Variants in SLC9A3 observed in about 807,000 individuals in gnomAD.
The protein encoded by SLC9A3 is solute carrier family 9 member A3.
SLC9A3 carries 37 observed loss-of-function variants against 86.8 expected under a neutral mutation model. The observed-to-expected ratio is 0.43, with a 90% CI of 0.33 to 0.56. The LOEUF is 0.56. Among genes scored for constraint, SLC9A3 ranks in the 20% least tolerant of loss-of-function variants. The pLI is 0.06. For synonymous variants in SLC9A3, 581 were observed against 528.3 expected (o/e 1.10, Z -1.37); for missense variants, 1,011 against 1,171.9 (o/e 0.86, Z 2.00).
At position 482,530 on chromosome 5, in the gene SLC9A3, G is replaced by A; in HGVS notation, c.1356+18C>T. The A allele has an allele frequency of 6.3e-7, 1 of 1,596,948 alleles. No homozygotes were observed. The highest frequency in any genetic ancestry group is 8.6e-7 in the Non-Finnish European group (1 of 1,167,400). ...CGGGCGGGGCCGAGACCCCAGGGCT[G>A]GCTGGGCTGGGCCTCACCTGGAAGA... On this transcript the variant is annotated intron_variant, in intron 7 of 16. Coordinates refer to ENST00000264938, the MANE Select transcript of SLC9A3 (RefSeq NM_004174.4).
chr5:481,402 G>A (rs567709045), intron 9 of SLC9A3, among the ~76,000 whole-genome samples, 163 bp downstream of exon 9: 1 of 152,300 alleles, frequency 6.6e-6, no homozygotes, highest in East Asian at 1.9e-4. Flanking sequence ...CAGCACCTGC[G>A]TGTCTCGGGG....
intron 1 of SLC9A3, among the ~76,000 whole-genome samples, chr5:508,074 C>T (rs180806446): frequency 6.6e-6 from 1 of 152,270 alleles, no homozygotes; most frequent in Non-Finnish European, 1.5e-5. Flanking sequence ...TCTTGGCGCC[C>T]GCCCCTCACA....
In SLC9A3 at chr5:473,291, C is replaced by A. The variant is rs540024518; in HGVS notation, c.*88G>T. ...GCGGTCGCTGTAGCCGCGCGGGGAT[C>A]TGGGGTTTCTCTGGGACAGCGGCGG... is the stretch of plus-strand genomic sequence containing the variant. On this transcript the variant is annotated 3_prime_UTR_variant, in exon 17 of 17. Coordinates refer to ENST00000264938, the MANE Select transcript of SLC9A3 (RefSeq NM_004174.4). 6 of 1,308,858 alleles carry A rather than the reference C, an allele frequency of 4.6e-6. No homozygotes were observed. Among genetic ancestry groups the A allele is most frequent in the Non-Finnish European group, 5.9e-6 (6 of 1,018,130 alleles). The allele number at this position is 1,308,858 out of a possible 1,614,324, so 81.1% of individuals were successfully genotyped here. A position where few individuals can be genotyped will look rare whatever the true frequency, so the allele number is the denominator to read the frequency against.
At chr5:521,174 A>G (rs1733874407) in intron 1 of SLC9A3, among the ~76,000 whole-genome samples, 1 of 152,262 alleles carries the variant, frequency 6.6e-6, no homozygotes. Context: ...AAGATGCTGT[A>G]AAAGGCAGGG....
At chr5:506,770 T>C (rs1353842251) in intron 1 of SLC9A3, among the ~76,000 whole-genome samples, 2 of 152,130 alleles carry the variant, frequency 1.3e-5, no homozygotes, top group Non-Finnish European at 1.5e-5. Context: ...ATTATCCTTG[T>C]TTTAAAGTTA....
chr5:483,026 G>A (rs1432111686), intron 6 of SLC9A3, among the ~76,000 whole-genome samples: 1 of 151,890 alleles, frequency 6.6e-6, no homozygotes, highest in Non-Finnish European at 1.5e-5. Context: ...TCCATCTCTC[G>A]TGCCACTGAC....
chr5:483,732 A>G (rs572198481), intron 5 of SLC9A3, among the ~76,000 whole-genome samples: 1 of 152,340 alleles, frequency 6.6e-6, no homozygotes, highest in African/African-American at 2.4e-5. Flanking sequence ...GAGGGCAACA[A>G]AGGGTTCCAA....
chr5:476,521 GC>G lies in SLC9A3; in HGVS notation c.1890+21del, dbSNP rs1438979797. The G allele has an allele frequency of 2.5e-6, 4 of 1,607,256 alleles. No homozygotes were observed. The South Asian group carries it at 4.4e-5, about 18-fold the overall frequency. On this transcript the variant is annotated intron_variant, in intron 12 of 16. Coordinates refer to ENST00000264938, the MANE Select transcript of SLC9A3 (RefSeq NM_004174.4). ...CACGGGGTCCCTGCGGGGTCCTCCA[GC>G]CCCCAGCCCGCAGTGCCCACCTCCT...
chr5:497,540 G>T lies in SLC9A3; in HGVS notation c.212-5469C>A, dbSNP rs1312065846. On this transcript the variant is annotated intron_variant, in intron 1 of 16. Transcript: ENST00000264938. This position sits in a 1 kb window ranked among gnomAD's most constrained non-coding sequence, Gnocchi z 5.4. The stretch of plus-strand genomic sequence containing the variant: ...ACTCGTTCACGTTTATCTCTGTCTG[G>T]TTGTCAGAATAAATTGTTTCCAACC... 1.3e-5 allele frequency among the ~76,000 whole-genome samples: 2 copies of T among 152,196 alleles called. No homozygotes were observed. The highest frequency in any genetic ancestry group is 6.5e-5 in the Admixed American group (1 of 15,290).
At chr5:473,919 G>T (rs1018120096) in intron 16 of SLC9A3, among the ~76,000 whole-genome samples, 2 of 152,270 alleles carry the variant, frequency 1.3e-5, no homozygotes, top group African/African-American at 4.8e-5. Flanking sequence ...CTCCCTGGGA[G>T]CGCAGGATTT....
intron 2 of SLC9A3, among the ~76,000 whole-genome samples, chr5:490,819 G>A (rs1359528261): frequency 1.3e-5 from 2 of 152,230 alleles, no homozygotes; most frequent in African/African-American, 4.8e-5. Flanking sequence ...GCCTGTCTGT[G>A]CCCTCGGCAG....
At chr5:492,838 C>T (rs970407459) in intron 1 of SLC9A3, among the ~76,000 whole-genome samples, 1 of 152,152 alleles carries the variant, frequency 6.6e-6, no homozygotes, top group Non-Finnish European at 1.5e-5. Context: ...TCCGGAGGGG[C>T]CCCATGGAGG....
chr5:506,074 T>A (rs1740565278), intron 1 of SLC9A3, among the ~76,000 whole-genome samples: 2 of 152,012 alleles, frequency 1.3e-5, no homozygotes. Flanking sequence ...GGGAATTCTT[T>A]TGTGCAGGTA....
intron 1 of SLC9A3, among the ~76,000 whole-genome samples, chr5:504,621 C>T (rs986843936): frequency 2.0e-5 from 3 of 152,224 alleles, no homozygotes; most frequent in Non-Finnish European, 4.4e-5. Flanking sequence ...CCAGAGGGCT[C>T]GGGGTGGGGA....
Position 483,272 on chromosome 5 carries a change from G to A in SLC9A3, c.1143C>T (p.Tyr381=), listed in dbSNP as rs375272660. 394 of 1,547,122 alleles carry A rather than the reference G, an allele frequency of 2.5e-4. No homozygotes were observed. The highest frequency in any genetic ancestry group is 3.3e-4 in the Non-Finnish European group (381 of 1,143,242). ...VLLTLVFISV[Y]RAIGVVLQTW... is the part of the protein sequence containing the mutation. The stretch of plus-strand genomic sequence containing the variant: ...CCGGCCCCGCCTCACCGATGGCCCG[G>A]TACACGGAGATGAAGACCAGCGTCA... Residue 381 remains tyrosine, a synonymous_variant, in exon 6 of 17, where the codon TAC becomes TAT. Transcript: ENST00000264938.
intron 1 of SLC9A3, among the ~76,000 whole-genome samples, chr5:500,460 AGGC>A (rs1484778692): frequency 2.2e-4 from 34 of 152,214 alleles, no homozygotes; most frequent in African/African-American, 7.9e-4. Flanking sequence ...CGGAGAGGCC[AGGC>A]GGGCCGGTGT....
In SLC9A3 at chr5:476,607, C is replaced by T. The variant is rs879207266; in HGVS notation, c.1826G>A (p.Arg609Gln). The change falls in exon 12 of 17, where the codon CGG becomes CAG. Residue 609 changes from arginine to glutamine, a missense_variant. Coordinates refer to ENST00000264938, the MANE Select transcript of SLC9A3 (RefSeq NM_004174.4). Reference protein sequence around the residue: ...QSLEQRRRSIRDAEDMVTHHT... With the variant: ...QSLEQRRRSIQDAEDMVTHHT... Reference sequence around the variant, plus strand: ...GTGCGTGACCATGTCCTCCGCGTCCCGGATGCTCCGCCGTCGCTGCTCCAG... The same window carrying T: ...GTGCGTGACCATGTCCTCCGCGTCCTGGATGCTCCGCCGTCGCTGCTCCAG... 2.5e-6 allele frequency: 4 copies of T among 1,610,514 alleles called. No individual in the cohort carries two copies. The highest frequency in any genetic ancestry group is 1.1e-5 in the South Asian group (1 of 91,084).
intron 3 of SLC9A3, among the ~76,000 whole-genome samples, chr5:486,018 C>T (rs1218112394): frequency 6.6e-6 from 1 of 152,204 alleles, no homozygotes; most frequent in African/African-American, 2.4e-5. Context: ...ACTCTATTCC[C>T]GATTAAGTCT....
At chr5:507,321 C>T (rs1298616116) in intron 1 of SLC9A3, among the ~76,000 whole-genome samples, 2 of 138,446 alleles carry the variant, frequency 1.4e-5, no homozygotes, top group African/African-American at 2.8e-5. Flanking sequence ...GCGCCCGCCA[C>T]CACGCCCAGC....
Sources: gnomAD v4.1 joint callset for allele counts (sites outside exome capture counted in the v4.1 genomes callset) on GRCh38, gnomAD v4.1.1 for gene constraint, Gnocchi (gnomAD v3.1) non-coding constraint, MANE v1.5 for transcripts, NCBI Gene and HGNC (gene_info 2026-07-23, HGNC 2026-07-21) for gene names.